The following KLRG1 variants were observed in gnomAD, a reference collection of about 807,000 sequenced individuals.
The protein encoded by KLRG1 is killer cell lectin like receptor G1.
Under a neutral mutation model 21.8 loss-of-function variants are expected in KLRG1, and 16 were observed. The observed-to-expected ratio is 0.73, with a 90% CI of 0.50 to 1.11. The LOEUF is 1.11. KLRG1 is among the 50% of genes most tolerant of loss of function. The probability of loss-of-function intolerance (pLI) is 0.00; values close to 1 mark genes in which losing one functional copy is unlikely to be tolerated. For synonymous variants in KLRG1, 69 were observed against 75.9 expected (o/e 0.91, Z 0.47); for missense variants, 173 against 218.3 (o/e 0.79, Z 1.31).
At chr12:9,139,905 G>A in the KLRG1 span, among the ~76,000 whole-genome samples, 2 of 152,192 alleles carry the variant, frequency 1.3e-5, no homozygotes, top group Admixed American at 6.5e-5. Context: ...GGGTTTTAGG[G>A]TAAGAGAGCT....
chr12:9,098,836 T>A, the KLRG1 span: 1 of 1,502,644 alleles, frequency 6.7e-7, no homozygotes, highest in Non-Finnish European at 9.0e-7. Context: ...AGAGTGTTCC[T>A]CATGTACAAT....
At chr12:9,038,759 C>T in the KLRG1 span, among the ~76,000 whole-genome samples, 17 of 152,040 alleles carry the variant, frequency 1.1e-4, no homozygotes, top group African/African-American at 3.9e-4. Flanking sequence ...ATTAGCCGGG[C>T]GTGGTGGCAG....
At chr12:9,109,340 TC>T in the KLRG1 span, 2 of 1,613,006 alleles carry the variant, frequency 1.2e-6, no homozygotes, top group Non-Finnish European at 1.7e-6. Context: ...ACTGATACAT[TC>T]ATCTCTTCTT....
At chr12:8,996,882 A>C (rs746947745) in intron 3 of KLRG1, among the ~76,000 whole-genome samples, 1 of 152,316 alleles carries the variant, frequency 6.6e-6, no homozygotes, top group African/African-American at 2.4e-5. Flanking sequence ...TGAGCCATGA[A>C]CTTGAAACAT....
At chr12:9,051,072 A>T in the KLRG1 span, among the ~76,000 whole-genome samples, 1 of 152,180 alleles carries the variant, frequency 6.6e-6, no homozygotes, top group Non-Finnish European at 1.5e-5. Context: ...GGGGACTTGT[A>T]GTGCCTCTTC....
chr12:9,102,696 C>T, the KLRG1 span, among the ~76,000 whole-genome samples: 1 of 152,176 alleles, frequency 6.6e-6, no homozygotes, highest in South Asian at 2.1e-4. Flanking sequence ...ACATTTTGTT[C>T]ATATCTTAAT....
At chr12:9,200,944 TACC>T in the KLRG1 span, 1 of 1,614,108 alleles carries the variant, frequency 6.2e-7, no homozygotes, top group Non-Finnish European at 8.5e-7. Context: ...ATTCTGTCTG[TACC>T]ACCACCCTGT....
At chr12:9,104,278 G>C in the KLRG1 span, 5 of 1,613,116 alleles carry the variant, frequency 3.1e-6, no homozygotes, top group Non-Finnish European at 3.4e-6. Context: ...TGGTGGTGTT[G>C]ATAGAGAACT....
chr12:8,952,756 G>T (rs1421239776), intron 1 of KLRG1, among the ~76,000 whole-genome samples: 1 of 152,092 alleles, frequency 6.6e-6, no homozygotes, highest in Non-Finnish European at 1.5e-5. Context: ...ATCAAAATCA[G>T]GAACTACAGT....
chr12:9,113,903 C>G, the KLRG1 span, among the ~76,000 whole-genome samples: 1 of 152,176 alleles, frequency 6.6e-6, no homozygotes, highest in African/African-American at 2.4e-5. Flanking sequence ...TAAGCAAGCT[C>G]TCAGTCATGC....
At chr12:9,151,815 A>G in the KLRG1 span, 3 of 609,312 alleles carry the variant, frequency 4.9e-6, no homozygotes, top group East Asian at 2.8e-5. Context: ...GAGTTCCACA[A>G]TTCTTCAATA....
At chr12:8,961,040 TC>T (rs1555138140) in intron 1 of KLRG1, among the ~76,000 whole-genome samples, 1 of 65,926 alleles carries the variant, frequency 1.5e-5, no homozygotes, top group South Asian at 7.0e-4. Context: ...CATTATTATT[TC>T]CATTTTACAT....
chr12:9,063,105 A>G, the KLRG1 span, among the ~76,000 whole-genome samples: 1 of 152,200 alleles, frequency 6.6e-6, no homozygotes, highest in Non-Finnish European at 1.5e-5. Context: ...CTTGGCCTCA[A>G]ATGATCCTCC....
At position 8,964,149 on chromosome 12, in the gene KLRG1, T is replaced by C. The variant is rs1423039719; in HGVS notation, c.-156+13913T>C. ...TGTTAGGGTGTCAATTTTAGATCTTTCCTGCTTTCTCTTGTGGGCATTTAG... is the reference window on the plus strand; with the variant it reads ...TGTTAGGGTGTCAATTTTAGATCTTCCCTGCTTTCTCTTGTGGGCATTTAG... On this transcript the variant is annotated intron_variant, in intron 1 of 4. Transcript: ENST00000539240. 3.3e-5 allele frequency among the ~76,000 whole-genome samples: 5 copies of C among 152,360 alleles called. No homozygotes were observed. In the East Asian group the frequency reaches 5.8e-4, roughly 18 times the overall value.
At chr12:8,982,090 A>G (rs1238143602) in intron 1 of KLRG1, among the ~76,000 whole-genome samples, 1 of 152,188 alleles carries the variant, frequency 6.6e-6, no homozygotes, top group East Asian at 1.9e-4. Context: ...TAATCCCTTC[A>G]GCCTATAATT....
At chr12:9,068,424 T>A in the KLRG1 span, among the ~76,000 whole-genome samples, 1 of 152,198 alleles carries the variant, frequency 6.6e-6, no homozygotes, top group Non-Finnish European at 1.5e-5. Flanking sequence ...ATATATTCTT[T>A]TATCCCAAAC....
chr12:9,028,843 A>G, the KLRG1 span: 10 of 640,354 alleles, frequency 1.6e-5, no homozygotes, highest in Admixed American at 1.1e-4. Context: ...TTGGTTCCAC[A>G]AATCTTCCAT....
the KLRG1 span, chr12:9,153,426 C>T: frequency 8.6e-7 from 1 of 1,168,844 alleles, no homozygotes. Context: ...GTTAGCCTAC[C>T]ATGAGGGAAG....
the KLRG1 span, chr12:9,072,361 G>A: frequency 6.2e-7 from 1 of 1,613,798 alleles, no homozygotes; most frequent in Non-Finnish European, 8.5e-7. Flanking sequence ...GGTCTTACCT[G>A]ACACTTAGGG....
Sources: allele counts gnomAD v4.1 joint callset (sites outside exome capture counted in the v4.1 genomes callset), GRCh38; gene constraint gnomAD v4.1.1; transcripts MANE v1.5; gene names NCBI Gene and HGNC (gene_info 2026-07-23, HGNC 2026-07-21).